Variants in MSRA observed in about 807,000 individuals in gnomAD.
MSRA encodes methionine sulfoxide reductase A, also known as mitochondrial peptide methionine sulfoxide reductase.
MSRA carries 54 observed loss-of-function variants against 31.3 expected under a neutral mutation model. The observed-to-expected ratio is 1.73, with a 90% CI of 1.39 to 2.17. The LOEUF (loss-of-function observed/expected upper bound fraction) is 2.17, where lower values mean the gene tolerates loss of function less well. Ranked by LOEUF, MSRA falls within the 30% of genes most tolerant of loss-of-function variation. The pLI is 0.00. For missense variants in MSRA, 507 were observed against 300.9 expected, an observed-to-expected ratio of 1.69 and a Z score of -5.07; for synonymous variants, 169 against 116.5, an observed-to-expected ratio of 1.45 and a Z score of -2.90.
At chr8:10,171,547 A>C (rs1480127896) in intron 1 of MSRA, among the ~76,000 whole-genome samples, 2 of 152,212 alleles carry the variant, frequency 1.3e-5, no homozygotes, top group African/African-American at 4.8e-5. Context: ...AAATGTAAGA[A>C]GAAATATACT....
chr8:10,364,570 C>G (rs1191235045), intron 5 of MSRA, among the ~76,000 whole-genome samples: 1 of 152,194 alleles, frequency 6.6e-6, no homozygotes, highest in African/African-American at 2.4e-5. Flanking sequence ...CAAAAAATAT[C>G]AAGAGTTCCT....
At chr8:10,069,345 G>T (rs750819282) in intron 1 of MSRA, among the ~76,000 whole-genome samples, 1 of 152,194 alleles carries the variant, frequency 6.6e-6, no homozygotes, top group African/African-American at 2.4e-5. Flanking sequence ...CCAGAACTTA[G>T]TGGGAAAGCA....
At chr8:10,095,592 G>A (rs1799097241) in intron 1 of MSRA, 2 of 986,514 alleles carry the variant, frequency 2.0e-6, no homozygotes, top group South Asian at 9.4e-5. Context: ...GGCAGAGGGA[G>A]AGCTGAGGAA....
chr8:10,246,902 A>G (rs890284730), intron 3 of MSRA, among the ~76,000 whole-genome samples: 5 of 152,184 alleles, frequency 3.3e-5, no homozygotes, highest in African/African-American at 1.2e-4. Flanking sequence ...GAGATCACCC[A>G]GGTGTATCCT....
rs944859040 is a variant in MSRA, at chr8:10,056,382, G to A, written c.142+1724G>A. Reference sequence around the variant, plus strand: ...AAAGATGAGCAAACATTTCAGAAATGAGCCAACAATTTTTTTCTTATCCCC... The same window carrying A: ...AAAGATGAGCAAACATTTCAGAAATAAGCCAACAATTTTTTTCTTATCCCC... On this transcript the variant is annotated intron_variant, in intron 1 of 5. Transcript: ENST00000317173. Among the ~76,000 whole-genome samples, 4 of 152,064 alleles carry A rather than the reference G, an allele frequency of 2.6e-5. No individual in the cohort carries two copies. The South Asian group carries it at 6.2e-4, about 24-fold the overall frequency.
intron 2 of MSRA, among the ~76,000 whole-genome samples, chr8:10,241,243 T>C (rs924443555): frequency 6.6e-6 from 1 of 152,084 alleles, no homozygotes; most frequent in African/African-American, 2.4e-5. Context: ...AAATGGTCGA[T>C]TCTGGGACTG....
intron 5 of MSRA, among the ~76,000 whole-genome samples, chr8:10,356,947 C>T (rs891223421): frequency 4.0e-5 from 6 of 150,432 alleles, no homozygotes; most frequent in Non-Finnish European, 5.9e-5. Context: ...AAACACGCAG[C>T]TTGCCCTCTC....
At chr8:10,078,102 T>A (rs1454100936) in intron 1 of MSRA, among the ~76,000 whole-genome samples, 1 of 152,230 alleles carries the variant, frequency 6.6e-6, no homozygotes, top group Non-Finnish European at 1.5e-5. Context: ...AAAGCCAAAT[T>A]GGGAAAATTT....
chr8:10,210,928 GT>G (rs1310899065), intron 2 of MSRA, among the ~76,000 whole-genome samples: 11 of 151,474 alleles, frequency 7.3e-5, no homozygotes, highest in Middle Eastern at 3.4e-3. Flanking sequence ...TAGAGATGGG[GT>G]TTTTCCATGT....
intron 1 of MSRA, among the ~76,000 whole-genome samples, chr8:10,166,913 G>A (rs949366077): frequency 3.9e-5 from 6 of 152,116 alleles, no homozygotes; most frequent in Non-Finnish European, 8.8e-5. Context: ...CCCTCTGCTC[G>A]GGAGCCATGA....
intron 1 of MSRA, among the ~76,000 whole-genome samples, chr8:10,114,043 C>A (rs2898242): frequency 0.58 from 88,111 of 152,000 alleles, 25,759 homozygotes; most frequent in Middle Eastern, 0.67. Flanking sequence ...CCTTTCACGT[C>A]AATAGAATCA....
At chr8:10,365,543 A>T (rs1805112943) in intron 5 of MSRA, among the ~76,000 whole-genome samples, 1 of 152,208 alleles carries the variant, frequency 6.6e-6, no homozygotes. Context: ...CTAGCATTTG[A>T]TGGAGAGTTT....
intron 5 of MSRA, among the ~76,000 whole-genome samples, chr8:10,343,604 G>A (rs10903325): frequency 1.3e-5 from 2 of 152,062 alleles, no homozygotes; most frequent in African/African-American, 4.8e-5. Context: ...CTTAGTGAGG[G>A]TAGGTAACCC....
At chr8:10,355,227 A>C (rs984916670) in intron 5 of MSRA, among the ~76,000 whole-genome samples, 4 of 152,258 alleles carry the variant, frequency 2.6e-5, no homozygotes, top group Non-Finnish European at 5.9e-5. Context: ...AGGCCATGGC[A>C]GTTTGCATGG....
chr8:10,098,621 T>C (rs567492218), intron 1 of MSRA, among the ~76,000 whole-genome samples: 1 of 152,318 alleles, frequency 6.6e-6, no homozygotes, highest in South Asian at 2.1e-4. Flanking sequence ...CAACAAAGTA[T>C]GTTCACTTTT....
chr8:10,131,801 A>G (rs1407756055), intron 1 of MSRA, among the ~76,000 whole-genome samples: 1 of 152,198 alleles, frequency 6.6e-6, no homozygotes, highest in Non-Finnish European at 1.5e-5. Context: ...CTGGGATGCC[A>G]GAAACACACA....
intron 5 of MSRA, among the ~76,000 whole-genome samples, chr8:10,398,207 G>C (rs1044004459): frequency 6.6e-6 from 1 of 152,114 alleles, no homozygotes; most frequent in African/African-American, 2.4e-5. Context: ...CTCAGTCCAG[G>C]GATTCCTCTT....
At chr8:10,081,050 G>T (rs915295850) in intron 1 of MSRA, among the ~76,000 whole-genome samples, 1 of 152,244 alleles carries the variant, frequency 6.6e-6, no homozygotes, top group Non-Finnish European at 1.5e-5. Flanking sequence ...TCACAACATG[G>T]ATTAAAATGG....
chr8:10,318,133 C>G (rs2129136680), intron 4 of MSRA, among the ~76,000 whole-genome samples: 1 of 152,324 alleles, frequency 6.6e-6, no homozygotes, highest in Middle Eastern at 3.4e-3. Flanking sequence ...GCTGTAACTT[C>G]TCATGCATCC....
Sources: allele counts gnomAD v4.1 joint callset (sites outside exome capture counted in the v4.1 genomes callset), GRCh38; gene constraint gnomAD v4.1.1; transcripts MANE v1.5; gene names NCBI Gene and HGNC (gene_info 2026-07-23, HGNC 2026-07-21).